FOXP2: variants seen among roughly 807,000 people sequenced by gnomAD.
FOXP2 encodes the protein forkhead box P2.
FOXP2 carries 12 observed loss-of-function variants against 115.8 expected under a neutral mutation model. That is an observed-to-expected ratio of 0.10 (90% CI 0.07 to 0.17). The LOEUF (loss-of-function observed/expected upper bound fraction) is 0.17. Ranked by LOEUF, FOXP2 falls within the 10% of genes least tolerant of loss-of-function variation. The pLI is 1.00. For missense variants in FOXP2, 629 were observed against 843.5 expected, an observed-to-expected ratio of 0.75 and a Z score of 3.15; for synonymous variants, 328 against 297.7, an observed-to-expected ratio of 1.10 and a Z score of -1.05.
intron 6 of FOXP2, among the ~76,000 whole-genome samples, chr7:114,641,497 A>T (rs1362440512): frequency 6.6e-6 from 1 of 152,172 alleles, no homozygotes; most frequent in Non-Finnish European, 1.5e-5. Flanking sequence ...TTAAGTAAGC[A>T]TATTGGTTTG....
chr7:114,664,375 T>A lies in FOXP2; in HGVS notation c.1942T>A (p.Ser648Thr). 6 of 1,613,642 alleles carry A rather than the reference T, an allele frequency of 3.7e-6. No individual in the cohort carries two copies. Among genetic ancestry groups the A allele is most frequent in the Non-Finnish European group, 5.1e-6 (6 of 1,179,718 alleles). Residue 648 changes from serine to threonine, a missense_variant, in exon 16 of 17, where the codon TCT becomes ACT. By Grantham distance (58) the Ser-to-Thr change is moderately conservative. Transcript: ENST00000350908. ...GGCCGTCCACGAAGACCTCAATGGT[T>A]CTCTGGATCACATTGACAGCAATGG... ...LQAVHEDLNG[S>T]LDHIDSNGNS...
intron 2 of FOXP2, among the ~76,000 whole-genome samples, chr7:114,500,604 C>G (rs1337079764): frequency 2.6e-5 from 4 of 152,000 alleles, no homozygotes. Context: ...CATTCAGATT[C>G]AAAGAACCTT....
intron 1 of FOXP2, among the ~76,000 whole-genome samples, chr7:114,130,280 G>A (rs537357410): frequency 2.6e-5 from 4 of 152,136 alleles, no homozygotes; most frequent in African/African-American, 7.2e-5. Flanking sequence ...CAGAGATCCC[G>A]CCACTGCACT....
At chr7:114,599,986 T>C (rs1802935047) in intron 3 of FOXP2, among the ~76,000 whole-genome samples, 1 of 152,168 alleles carries the variant, frequency 6.6e-6, no homozygotes, top group Non-Finnish European at 1.5e-5. Flanking sequence ...CTTGCACTGG[T>C]ATGGTGCATT....
intron 3 of FOXP2, among the ~76,000 whole-genome samples, chr7:114,579,438 C>CA (rs1801727086): frequency 6.6e-6 from 1 of 152,156 alleles, no homozygotes; most frequent in Admixed American, 6.6e-5. Context: ...TGGGACCTAT[C>CA]AATTCTACTA....
At chr7:114,364,066 TA>T (rs5886702) in intron 2 of FOXP2, among the ~76,000 whole-genome samples, 54,360 of 152,012 alleles carry the variant, frequency 0.36, 10,430 homozygotes, top group East Asian at 0.53. Context: ...CTTAAGTACT[TA>T]ATTTCTTTTT....
intron 1 of FOXP2, among the ~76,000 whole-genome samples, chr7:114,283,082 T>C (rs1796380575): frequency 6.6e-6 from 1 of 152,168 alleles, no homozygotes; most frequent in Non-Finnish European, 1.5e-5. Flanking sequence ...AACTTGTGAG[T>C]TTGTTGCCTT....
intron 6 of FOXP2, among the ~76,000 whole-genome samples, chr7:114,640,723 GA>G (rs968678387): frequency 6.6e-6 from 1 of 152,128 alleles, no homozygotes; most frequent in Non-Finnish European, 1.5e-5. Flanking sequence ...ATCTAATGTA[GA>G]TGTATGTTCG....
intron 5 of FOXP2, among the ~76,000 whole-genome samples, chr7:114,630,431 G>T (rs982493785): frequency 1.3e-5 from 2 of 152,082 alleles, no homozygotes; most frequent in African/African-American, 4.8e-5. Context: ...AAAGTCACAG[G>T]CCCCTGATTA....
chr7:114,329,318 G>A (rs1398004948), intron 2 of FOXP2, among the ~76,000 whole-genome samples: 2 of 152,016 alleles, frequency 1.3e-5, no homozygotes, highest in African/African-American at 2.4e-5. Flanking sequence ...AGGAGTTCAA[G>A]ACCAGCCTTG....
chr7:114,130,554 TTAAG>T (rs1430340195), intron 1 of FOXP2, among the ~76,000 whole-genome samples: 2 of 152,192 alleles, frequency 1.3e-5, no homozygotes, highest in African/African-American at 4.8e-5. Context: ...AAATTCCTAG[TTAAG>T]TGTTAATTAT....
intron 4 of FOXP2, chr7:114,628,965 G>T (rs1804744275): frequency 5.7e-6 from 2 of 349,726 alleles, no homozygotes; most frequent in South Asian, 6.1e-5. Flanking sequence ...CATTCAATTT[G>T]TTGACTTGCC....
At chr7:114,582,220 A>C (rs574886243) in intron 3 of FOXP2, among the ~76,000 whole-genome samples, 1 of 152,206 alleles carries the variant, frequency 6.6e-6, no homozygotes, top group Non-Finnish European at 1.5e-5. Context: ...AAGAATAGAA[A>C]CCCACTTTCA....
At chr7:114,496,339 T>G (rs1186071209) in intron 2 of FOXP2, among the ~76,000 whole-genome samples, 3 of 152,272 alleles carry the variant, frequency 2.0e-5, no homozygotes, top group East Asian at 3.9e-4. Flanking sequence ...ATGCTTCAAT[T>G]GATGTCTTCC....
Position 114,328,077 on chromosome 7 carries a change from T to C in FOXP2, c.-11+39968T>C, listed in dbSNP as rs538957810. Among the ~76,000 whole-genome samples the C allele has an allele frequency of 2.7e-5, 4 of 150,086 alleles. No homozygotes were observed. The South Asian group carries it at 6.4e-4, about 24-fold the overall frequency. ...CTGAGCCTAAAGGTGCATACCACCA[T>C]ATTTGGCTAATTTTTTTTTTCTTGT... On this transcript the variant is annotated intron_variant, in intron 2 of 17. Coordinates refer to the FOXP2 transcript ENST00000634411.
At chr7:114,554,758 T>C (rs900091466) in intron 3 of FOXP2, among the ~76,000 whole-genome samples, 4 of 152,196 alleles carry the variant, frequency 2.6e-5, no homozygotes, top group Non-Finnish European at 4.4e-5. Flanking sequence ...ATTACATTTA[T>C]TTTAATACTA....
intron 1 of FOXP2, among the ~76,000 whole-genome samples, chr7:114,259,793 C>T (rs1795702789): frequency 6.6e-6 from 1 of 152,030 alleles, no homozygotes; most frequent in African/African-American, 2.4e-5. Context: ...AATTATCACT[C>T]ATAAGAAGTT....
At chr7:114,199,405 A>G (rs2129159208) in intron 1 of FOXP2, among the ~76,000 whole-genome samples, 1 of 152,160 alleles carries the variant, frequency 6.6e-6, no homozygotes, top group South Asian at 2.1e-4. Context: ...ATATAAATGA[A>G]TAAATTGATA....
intron 2 of FOXP2, among the ~76,000 whole-genome samples, chr7:114,451,880 T>C (rs1795089869): frequency 6.6e-6 from 1 of 152,034 alleles, no homozygotes; most frequent in Non-Finnish European, 1.5e-5. Flanking sequence ...AGAAGGGTTG[T>C]ATTTGAGTGA....
Sources: gnomAD v4.1 joint callset for allele counts (sites outside exome capture counted in the v4.1 genomes callset) on GRCh38, gnomAD v4.1.1 for gene constraint, MANE v1.5 for transcripts, NCBI Gene and HGNC (gene_info 2026-07-23, HGNC 2026-07-21) for gene names.